Variants in NEB observed in about 807,000 individuals in gnomAD.
The protein encoded by NEB is nemaline myopathy type 2.
In NEB, 512 loss-of-function variants were observed where a neutral mutation model predicts 952.2. The ratio of observed to expected loss-of-function variants is 0.54; its 90% CI spans 0.50 to 0.58. The LOEUF is 0.58. Ranked by LOEUF, NEB falls within the 20% of genes least tolerant of loss-of-function variation. The pLI, the probability that NEB is intolerant of heterozygous loss-of-function variation, is 0.00. For synonymous variants in NEB, 2,900 were observed against 3,149.8 expected (o/e 0.92, Z 2.66); for missense variants, 8,428 against 9,231.1 (o/e 0.91, Z 3.56).
chr2:151,678,165 T>C lies in NEB; in HGVS notation c.3278A>G (p.Glu1093Gly). 4 of 1,609,034 alleles carry C rather than the reference T, an allele frequency of 2.5e-6. No homozygotes were observed. The highest frequency in any genetic ancestry group is 3.4e-6 in the Non-Finnish European group (4 of 1,177,408). ...ASDVQYKKDY[E>G]KAKGKMVGFQ... ...GCCAACCATTTTCCCTTTAGCCTTTTCATAGTCTTTTTTGTACTGAACCTA... is the reference window on the plus strand; with the variant it reads ...GCCAACCATTTTCCCTTTAGCCTTTCCATAGTCTTTTTTGTACTGAACCTA... The change falls in exon 33 of 182, where the codon GAA (glutamate) becomes GGA (glycine). Residue 1093 changes from glutamate (E) to glycine (G), a missense_variant. By Grantham distance (98) the Glu-to-Gly change is moderately conservative. Coordinates refer to ENST00000397345, the MANE Select transcript of NEB (RefSeq NM_001164508.2).
At chr2:151,666,562 A>C (rs2099220275) in intron 40 of NEB, among the ~76,000 whole-genome samples, 161 bp from the exon 41 acceptor site, 3 of 152,246 alleles carry the variant, frequency 2.0e-5, no homozygotes, top group Admixed American at 2.0e-4. Context: ...AAATATTTTT[A>C]ATGGCTCATC....
In NEB at chr2:151,508,048, G is replaced by A. The variant is rs2070749587; in HGVS notation, c.23408C>T (p.Pro7803Leu). 2 of 1,611,144 alleles carry A rather than the reference G, an allele frequency of 1.2e-6. No individual in the cohort carries two copies. The highest frequency in any genetic ancestry group is 1.1e-5 in the South Asian group (1 of 90,388). Residue 7803 changes from proline to leucine, a missense_variant, in exon 162 of 182, where the codon CCA becomes CTA. Pro to Leu is a moderately conservative substitution (Grantham distance 98). Coordinates refer to ENST00000397345, the MANE Select transcript of NEB (RefSeq NM_001164508.2). ...MSYYETVLDT[P>L]EIQRVRENQK... ...GTTCTCCCGGACTCTCTGTATCTCT[G>A]GGGTGTCCAAAACAGTCTCATAATA...
Position 151,711,235 on chromosome 2 carries a change from C to T in NEB, c.823-697G>A, listed in dbSNP as rs1183882019. Among the ~76,000 whole-genome samples, 8 of 152,232 alleles carry T rather than the reference C, an allele frequency of 5.3e-5. No homozygotes were observed. The East Asian group carries it at 1.2e-3, about 22-fold the overall frequency. ...TACACTAAACTGAGACCATGATATGCGGTTTTGAAATACCTTGGCTGAAGT... is the reference window on the plus strand; with the variant it reads ...TACACTAAACTGAGACCATGATATGTGGTTTTGAAATACCTTGGCTGAAGT... On this transcript the variant is annotated intron_variant, in intron 10 of 181. Coordinates refer to ENST00000397345, the MANE Select transcript of NEB (RefSeq NM_001164508.2).
intron 54 of NEB, among the ~76,000 whole-genome samples, chr2:151,648,183 G>A (rs1363754610): frequency 3.3e-5 from 5 of 152,122 alleles, no homozygotes; most frequent in Admixed American, 3.3e-4. Flanking sequence ...ACTTTTCTGA[G>A]TGCCTGAAAT....
chr2:151,508,159 G>A (rs2070840977), intron 161 of NEB, 50 bp from the exon 162 acceptor site: 2 of 1,286,148 alleles, frequency 1.6e-6, no homozygotes, highest in African/African-American at 3.0e-5. Context: ...CAGGGATATA[G>A]GCCAATGGGA....
intron 105 of NEB, among the ~76,000 whole-genome samples, chr2:151,578,255 G>A (rs999165626): frequency 6.7e-6 from 1 of 149,536 alleles, no homozygotes; most frequent in African/African-American, 2.4e-5. Context: ...GTGAGTTAAT[G>A]AAAGACCACA....
intron 123 of NEB, 90 bp from the exon 124 acceptor site, chr2:151,560,789 T>C: frequency 1.0e-6 from 1 of 985,766 alleles, no homozygotes; most frequent in Non-Finnish European, 1.5e-6. Flanking sequence ...TCTGTCCTTC[T>C]CACACACTCC....
chr2:151,663,914 C>T (rs1228585923), intron 44 of NEB, 55 bp from the exon 45 acceptor site: 8 of 1,523,614 alleles, frequency 5.3e-6, no homozygotes, highest in Non-Finnish European at 7.2e-6. Context: ...AACAAAGTAC[C>T]ATTTGCTAGG....
intron 117 of NEB, among the ~76,000 whole-genome samples, chr2:151,564,325 T>C (rs571422799): frequency 6.6e-6 from 1 of 152,058 alleles, no homozygotes; most frequent in East Asian, 1.9e-4. Context: ...TGGCTAATTT[T>C]TGTATTTTTA....
intron 77 of NEB, 77 bp from the exon 78 acceptor site, chr2:151,612,466 AGATAATGTGTTAGTCTGAATC>A: frequency 2.3e-6 from 3 of 1,279,486 alleles, no homozygotes; most frequent in South Asian, 1.3e-5. Context: ...TAACATACAC[AGATAATGTGTTAGTCTGAATC>A]TTATTTGTGT....
At chr2:151,509,633 G>GT (rs2072424326) in intron 161 of NEB, among the ~76,000 whole-genome samples, 3 of 152,050 alleles carry the variant, frequency 2.0e-5, no homozygotes, top group Non-Finnish European at 2.9e-5. Context: ...TGTTTGTTTG[G>GT]TTTTTTGTTT....
chr2:151,615,806 T>G (rs1560463998), intron 76 of NEB, 196 bp downstream of exon 76: 2 of 494,320 alleles, frequency 4.0e-6, no homozygotes, highest in East Asian at 7.0e-5. Context: ...TCTCTAGTTT[T>G]GATTGATTGA....
Position 151,677,577 on chromosome 2 carries a change from C to T in NEB, c.3762G>A (p.Lys1254=). The change falls in exon 34 of 182, where the codon AAG becomes AAA. Residue 1254 remains lysine, a synonymous_variant. Coordinates refer to ENST00000397345, the MANE Select transcript of NEB (RefSeq NM_001164508.2). ...TTATTGTACTCACATCACTGACTTGCTTCGTGTTCTGTTTTGCCTGGACCA... is the reference window on the plus strand; with the variant it reads ...TTATTGTACTCACATCACTGACTTGTTTCGTGTTCTGTTTTGCCTGGACCA... The part of the protein sequence containing the change: ...PVMVQAKQNT[K]QVSDILYKAK... 1 of 1,613,302 alleles carries T rather than the reference C, an allele frequency of 6.2e-7. No individual in the cohort carries two copies. Among genetic ancestry groups the T allele is most frequent in the Non-Finnish European group, 8.5e-7 (1 of 1,179,378 alleles).
At chr2:151,729,801 A>G (rs1030733309) in intron 3 of NEB, 145 bp from the exon 4 acceptor site, 1 of 801,432 alleles carries the variant, frequency 1.2e-6, no homozygotes, top group Non-Finnish European at 2.1e-6. Flanking sequence ...GAGCCTGTTC[A>G]TATTTTGGAA....
At chr2:151,706,827 T>C in intron 13 of NEB, 54 bp downstream of exon 13, 2 of 1,305,216 alleles carry the variant, frequency 1.5e-6, no homozygotes, top group South Asian at 2.7e-5. Flanking sequence ...AGGAGAAAAT[T>C]TTCATCTCTT....
chr2:151,538,306 T>A, intron 138 of NEB, 62 bp from the exon 139 acceptor site: 1 of 1,248,976 alleles, frequency 8.0e-7, no homozygotes, highest in African/African-American at 1.5e-5. Flanking sequence ...TTGAGCTCTT[T>A]TAAGCATGAA....
intron 52 of NEB, among the ~76,000 whole-genome samples, chr2:151,652,289 G>T (rs905578086): frequency 6.6e-6 from 1 of 152,062 alleles, no homozygotes; most frequent in Non-Finnish European, 1.5e-5. Context: ...GCAGTGGTGC[G>T]ATCATGGCTC....
Position 151,620,950 on chromosome 2 carries a change from G to A in NEB, c.10529C>T (p.Ala3510Val). The change falls in exon 72 of 182, where the codon GCT becomes GTT. Residue 3510 changes from alanine to valine, a missense_variant. Ala to Val is a moderately conservative substitution (Grantham distance 64). This residue lies in a region of NEB where 1,772 missense variants were observed against 1,960.3 expected (regional missense o/e 0.90). Coordinates refer to ENST00000397345, the MANE Select transcript of NEB (RefSeq NM_001164508.2). ...DLRSDAIPIVAAKASRDIASD... is the reference protein window; with the variant it reads ...DLRSDAIPIVVAKASRDIASD... ...GGCAATATCCCGAGAGGCCTTGGCA[G>A]CCACAATGGGAATGGCATCACTTCT... The A allele has an allele frequency of 6.2e-7, 1 of 1,612,760 alleles. No individual in the cohort carries two copies. Among genetic ancestry groups the A allele is most frequent in the Non-Finnish European group, 8.5e-7 (1 of 1,179,384 alleles).
intron 54 of NEB, 29 bp from the exon 55 acceptor site, chr2:151,646,263 G>T (rs1294713429): frequency 1.4e-6 from 2 of 1,480,286 alleles, no homozygotes; most frequent in Non-Finnish European, 1.8e-6. Flanking sequence ...ATTTTTCAGT[G>T]GTGTTGTTAG....
Sources: gnomAD v4.1 joint callset for allele counts (sites outside exome capture counted in the v4.1 genomes callset) on GRCh38, gnomAD v4.1.1 for gene constraint, gnomAD v4.1.1 regional missense constraint, MANE v1.5 for transcripts, NCBI Gene and HGNC (gene_info 2026-07-23, HGNC 2026-07-21) for gene names.